Variants in ATP6V1C2 observed in about 807,000 individuals in gnomAD.
ATP6V1C2 encodes V-type proton ATPase subunit C 2.
Under a neutral mutation model 56.8 loss-of-function variants are expected in ATP6V1C2, and 45 were observed. The ratio of observed to expected loss-of-function variants is 0.79; its 90% CI spans 0.62 to 1.02. The LOEUF is 1.02. Among genes scored for constraint, ATP6V1C2 ranks in the 50% least tolerant of loss-of-function variants. The pLI is 0.00. For synonymous variants in ATP6V1C2, 220 were observed against 201.3 expected (o/e 1.09, Z -0.79); for missense variants, 463 against 519.7 (o/e 0.89, Z 1.06).
At chr2:10,721,249 C>T (rs1038005927), upstream of ATP6V1C2, among the ~76,000 whole-genome samples, 1 of 152,122 alleles carries the variant, frequency 6.6e-6, no homozygotes, top group Admixed American at 6.5e-5. Context: ...GCGCATGTCT[C>T]TGTGAGGCGA....
rs772192443 is a variant in ATP6V1C2, at chr2:10,784,959, T to G, written c.*1696T>G. 4.0e-5 allele frequency: 64 copies of G among 1,590,498 alleles called. No individual in the cohort carries two copies. Among genetic ancestry groups the G allele is most frequent in the Non-Finnish European group, 5.0e-5 (58 of 1,167,164 alleles). ...CTCGCCATCCCTGCCGTCCCAAGGCTCTCTCTCAACGATGGTAGGGAAAGC... is the reference window on the plus strand; with the variant it reads ...CTCGCCATCCCTGCCGTCCCAAGGCGCTCTCTCAACGATGGTAGGGAAAGC... On this transcript the variant is annotated 3_prime_UTR_variant, in exon 14 of 14. Transcript: ENST00000272238.
At chr2:10,725,495 T>A (rs1471185457) in intron 2 of ATP6V1C2, among the ~76,000 whole-genome samples, 1 of 140,382 alleles carries the variant, frequency 7.1e-6, no homozygotes, top group Non-Finnish European at 1.5e-5. Flanking sequence ...AAGAATTTTT[T>A]TTTTTTTTTT....
chr2:10,766,897 G>A (rs1664257749), intron 5 of ATP6V1C2, among the ~76,000 whole-genome samples: 2 of 152,126 alleles, frequency 1.3e-5, no homozygotes, highest in South Asian at 4.1e-4. Context: ...TAGTTGTATA[G>A]TGCAGAATAG....
At chr2:10,732,956 C>G (rs909537825) in intron 3 of ATP6V1C2, among the ~76,000 whole-genome samples, 2 of 133,170 alleles carry the variant, frequency 1.5e-5, no homozygotes, top group African/African-American at 6.0e-5. Context: ...GACGACAGAG[C>G]AAGACTGTCT....
At chr2:10,746,183 A>G (rs975133463) in intron 3 of ATP6V1C2, among the ~76,000 whole-genome samples, 38 of 152,082 alleles carry the variant, frequency 2.5e-4, no homozygotes, top group African/African-American at 8.7e-4. Flanking sequence ...TATTTTTAGT[A>G]GAGATGAGGT....
In ATP6V1C2 at chr2:10,763,400, C is replaced by G. The variant is rs903599535; in HGVS notation, c.284-931C>G. Among the ~76,000 whole-genome samples the G allele has an allele frequency of 6.6e-6, 1 of 152,174 alleles. No individual in the cohort carries two copies. Among genetic ancestry groups the G allele is most frequent in the African/African-American group, 2.4e-5 (1 of 41,462 alleles). ...GGCGGTTATCACTGGGCCCCCAGCT[C>G]TCTGCGGTGTGTCTGCCTAGGGGTC... On this transcript the variant is annotated intron_variant, in intron 4 of 13. Coordinates refer to ENST00000272238, the MANE Select transcript of ATP6V1C2 (RefSeq NM_001039362.2). This position sits in a 1 kb window ranked among gnomAD's most constrained non-coding sequence, Gnocchi z 4.2.
chr2:10,777,698 G>A lies in ATP6V1C2; in HGVS notation c.939G>A (p.Glu313=). 6.2e-7 allele frequency: 1 copy of A among 1,613,720 alleles called. No homozygotes were observed. Among genetic ancestry groups the A allele is most frequent in the East Asian group, 2.2e-5 (1 of 44,866 alleles). Residue 313 remains glutamate, a synonymous_variant, in exon 11 of 14, where the codon GAG becomes GAA. Coordinates refer to ENST00000272238, the MANE Select transcript of ATP6V1C2 (RefSeq NM_001039362.2). ...DRPAAGQTDR[E]RESEGEGEGP... ...CTGCTGCGGGGCAGACCGACAGAGA[G>A]AGAGAGAGTGAGGGCGAGGGTGAGG...
intron 4 of ATP6V1C2, among the ~76,000 whole-genome samples, chr2:10,757,641 C>T (rs1223905079): frequency 2.0e-5 from 3 of 152,232 alleles, no homozygotes; most frequent in Non-Finnish European, 4.4e-5. Context: ...CCCCTCCCCT[C>T]TTTGTCCTGT....
chr2:10,775,717 G>A lies in ATP6V1C2; in HGVS notation c.825+646G>A, dbSNP rs998904715. Among the ~76,000 whole-genome samples, 5 of 152,124 alleles carry A rather than the reference G, an allele frequency of 3.3e-5. No homozygotes were observed. The East Asian group carries it at 7.7e-4, about 23-fold the overall frequency. The stretch of plus-strand genomic sequence containing the variant: ...AGAGCTTTGGGAAGGTCCCTCCACC[G>A]CTCCGGGAAGTGGGCACCTTCCATA... On this transcript the variant is annotated intron_variant, in intron 10 of 13. Coordinates refer to ENST00000272238, the MANE Select transcript of ATP6V1C2 (RefSeq NM_001039362.2).
At position 10,780,458 on chromosome 2, in the gene ATP6V1C2, C is replaced by T. The variant is rs1665276315; in HGVS notation, c.1062-1785C>T. Reference sequence around the variant, plus strand: ...GATCTGACCTTGGTTCCTGGTTCTTCTGCCCTGCACATGCACCGCACCCAC... The same window carrying T: ...GATCTGACCTTGGTTCCTGGTTCTTTTGCCCTGCACATGCACCGCACCCAC... On this transcript the variant is annotated intron_variant, in intron 12 of 13. Coordinates refer to ENST00000272238, the MANE Select transcript of ATP6V1C2 (RefSeq NM_001039362.2). This position sits in a 1 kb window ranked among gnomAD's most constrained non-coding sequence, Gnocchi z 4.1. 6.6e-6 allele frequency among the ~76,000 whole-genome samples: 1 copy of T among 152,216 alleles called. No homozygotes were observed. The highest frequency in any genetic ancestry group is 1.5e-5 in the Non-Finnish European group (1 of 68,042).
intron 8 of ATP6V1C2, 126 bp from the exon 9 acceptor site, chr2:10,774,662 T>C (rs1334403790): frequency 1.3e-6 from 1 of 779,666 alleles, no homozygotes; most frequent in Non-Finnish European, 2.2e-6. Context: ...GGAGTGTCCT[T>C]GGTTCCCCAG....
At chr2:10,758,102 A>G (rs1663662411) in intron 4 of ATP6V1C2, among the ~76,000 whole-genome samples, 1 of 152,200 alleles carries the variant, frequency 6.6e-6, no homozygotes, top group Middle Eastern at 3.2e-3. Context: ...TGATGCTAAG[A>G]AAAAATTACC....
chr2:10,775,418 G>A (rs1664900651), intron 10 of ATP6V1C2, among the ~76,000 whole-genome samples: 1 of 152,218 alleles, frequency 6.6e-6, no homozygotes, highest in South Asian at 2.1e-4. Context: ...GCTGGCCAGA[G>A]GACCCTGCCA....
Position 10,771,871 on chromosome 2 carries a change from T to C in ATP6V1C2, c.503T>C (p.Ile168Thr), listed in dbSNP as rs150980575. The C allele has an allele frequency of 4.8e-4, 781 of 1,614,116 alleles. 1 individual carries two copies. In the African/African-American group the frequency reaches 8.4e-3, roughly 17 times the overall value. Reference protein sequence around the residue: ...GNLFTRTLSDIVSKEDFVLDS... With the variant: ...GNLFTRTLSDTVSKEDFVLDS... ...CTCTTCACCCGGACACTGAGTGATA[T>C]TGTGAGCAAAGAGGACTTCGTGCTG... Residue 168 changes from isoleucine (I) to threonine (T), a missense_variant, in exon 7 of 14, where the codon ATT (isoleucine) becomes ACT (threonine). Coordinates refer to ENST00000272238, the MANE Select transcript of ATP6V1C2 (RefSeq NM_001039362.2).
chr2:10,773,505 C>G (rs945190755), intron 8 of ATP6V1C2, among the ~76,000 whole-genome samples: 2 of 152,184 alleles, frequency 1.3e-5, no homozygotes, highest in Admixed American at 1.3e-4. Flanking sequence ...ACCTCAGCCT[C>G]TCAAGTAGCT....
intron 13 of ATP6V1C2, 105 bp downstream of exon 13, chr2:10,782,480 A>G (rs557394191): frequency 7.5e-7 from 1 of 1,329,554 alleles, no homozygotes; most frequent in Admixed American, 2.1e-5. Context: ...TAGGTGGATC[A>G]CTTGAGGTCA....
intron 3 of ATP6V1C2, among the ~76,000 whole-genome samples, chr2:10,729,578 G>T (rs1661844243): frequency 6.6e-6 from 1 of 152,174 alleles, no homozygotes; most frequent in Admixed American, 6.6e-5. Context: ...AGATCAGGCT[G>T]GGTGCCGTGG....
At chr2:10,764,515 C>T (rs2148480771) in intron 5 of ATP6V1C2, 90 bp downstream of exon 5, 1 of 1,092,722 alleles carries the variant, frequency 9.2e-7, no homozygotes, top group Admixed American at 1.9e-5. Flanking sequence ...CAGCCTCAGC[C>T]TGTCCTGACT....
chr2:10,745,412 T>C (rs545002558), intron 3 of ATP6V1C2, among the ~76,000 whole-genome samples: 1 of 151,098 alleles, frequency 6.6e-6, no homozygotes, highest in African/African-American at 2.4e-5. Flanking sequence ...TGGAGTGCAG[T>C]GGCACCATCT....
Sources: gnomAD v4.1 joint callset for allele counts (sites outside exome capture counted in the v4.1 genomes callset) on GRCh38, gnomAD v4.1.1 for gene constraint, Gnocchi (gnomAD v3.1) non-coding constraint, MANE v1.5 for transcripts, NCBI Gene and HGNC (gene_info 2026-07-23, HGNC 2026-07-21) for gene names.